Variants in BUD31 observed in about 807,000 individuals in gnomAD.
BUD31 encodes the protein protein BUD31 homolog.
BUD31 carries 9 observed loss-of-function variants against 17.9 expected under a neutral mutation model. The ratio of observed to expected loss-of-function variants is 0.50; its 90% CI spans 0.30 to 0.88. The LOEUF (loss-of-function observed/expected upper bound fraction) is 0.88. Ranked by LOEUF, BUD31 falls within the 40% of genes least tolerant of loss-of-function variation. BUD31 has a pLI of 0.06. For synonymous variants in BUD31, 70 were observed against 64.7 expected (o/e 1.08, Z -0.39); for missense variants, 148 against 184.5 (o/e 0.80, Z 1.15).
Position 99,417,561 on chromosome 7 carries a change from G to GC in BUD31, c.351dup (p.Ile118HisfsTer?). On this transcript the variant is annotated frameshift_variant, in exon 5 of 6. Coordinates refer to ENST00000222969, the MANE Select transcript of BUD31 (RefSeq NM_003910.4). LOFTEE classifies it high-confidence loss of function. ...CGGGACACCAACTTCGGGACGAACT[G>GC]CATCTGCCGCGTGCCCAAAAGCAAG... is the stretch of plus-strand genomic sequence containing the variant. 6.2e-7 allele frequency: 1 copy of GC among 1,612,662 alleles called. No homozygotes were observed.
intron 3 of BUD31, chr7:99,411,898 G>A (rs1795204029): frequency 3.0e-6 from 1 of 334,162 alleles, no homozygotes; most frequent in African/African-American, 2.2e-5. Context: ...GTAGAGATGG[G>A]TTTCTCCATG....
Position 99,411,288 on chromosome 7 carries a change from C to T in BUD31, c.94+102C>T. 6 of 804,538 alleles carry T rather than the reference C, an allele frequency of 7.5e-6. No individual in the cohort carries two copies. The South Asian group carries it at 9.9e-5, about 13-fold the overall frequency. 49.8% of individuals were successfully genotyped at this position (804,538 alleles called of 1,614,324 possible). ...AATGCAAATATAAAAAGAGAGTGGT[C>T]TACTAACACTGACATGTTGTGTTTG... On this transcript the variant is annotated intron_variant, in intron 3 of 5. Transcript: ENST00000222969.
At chr7:99,417,889 AGGGTGACATCAGGGAAGGACAAC>A in intron 5 of BUD31, 1 of 1,347,826 alleles carries the variant, frequency 7.4e-7, no homozygotes, top group South Asian at 1.5e-5. Context: ...AGGTGGTGGC[AGGGTGACATCAGGGAAGGACAAC>A]CAGTGAGTTC....
rs970596103 is a variant in BUD31 at position 99,416,421 on chromosome 7, TTTTG to T, written c.217+173_217+176del. 129 of 890,472 alleles carry T rather than the reference TTTTG, an allele frequency of 1.4e-4. 1 individual carries two copies. The South Asian group carries it at 1.5e-3, about 10-fold the overall frequency. The allele number at this position is 890,472 out of a possible 1,614,324, so 55.2% of individuals were successfully genotyped here. A position where few individuals can be genotyped will look rare whatever the true frequency, so the allele number is the denominator to read the frequency against. On this transcript the variant is annotated intron_variant, in intron 4 of 5. Coordinates refer to ENST00000222969, the MANE Select transcript of BUD31 (RefSeq NM_003910.4). ...GCTGAGTTTTGTGTGTGTGTTTGTT[TTTTG>T]TTTGTTTGTTTTGAGATGGAGTCTC...
chr7:99,410,529 C>G (rs1003888250), intron 2 of BUD31, among the ~76,000 whole-genome samples: 3 of 151,954 alleles, frequency 2.0e-5, no homozygotes, highest in Non-Finnish European at 2.9e-5. Context: ...CATGAGCCAC[C>G]GTGCCTGACC....
intron 5 of BUD31, chr7:99,417,983 C>G (rs1001362260): frequency 1.7e-6 from 2 of 1,175,036 alleles, no homozygotes; most frequent in Non-Finnish European, 2.1e-6. Context: ...TTCCCGCCCC[C>G]CCAAGACGGA....
intron 3 of BUD31, among the ~76,000 whole-genome samples, chr7:99,415,922 C>T (rs752890642): frequency 6.6e-6 from 1 of 151,926 alleles, no homozygotes; most frequent in Non-Finnish European, 1.5e-5. Flanking sequence ...TATCTAAGAT[C>T]TATATCTAGT....
chr7:99,411,501 C>T (rs1795182318), intron 3 of BUD31, among the ~76,000 whole-genome samples: 1 of 152,014 alleles, frequency 6.6e-6, no homozygotes, highest in African/African-American at 2.4e-5. Context: ...TAAAATCATA[C>T]AAAATATATT....
intron 5 of BUD31, 188 bp downstream of exon 5, chr7:99,417,783 T>C: frequency 6.5e-7 from 1 of 1,529,438 alleles, no homozygotes; most frequent in Non-Finnish European, 8.7e-7. Context: ...TGGCTGTGTG[T>C]TTGTTAGGTC....
chr7:99,412,463 T>A (rs1349749067), intron 3 of BUD31, among the ~76,000 whole-genome samples: 1 of 152,084 alleles, frequency 6.6e-6, no homozygotes, highest in African/African-American at 2.4e-5. Context: ...AGGTCTCACT[T>A]TGTTGCCCAG....
chr7:99,409,207 TG>T lies in BUD31; in HGVS notation c.-199del, dbSNP rs1562827772. Reference sequence around the variant, plus strand: ...CGTTCTTCTGAGGGGACGGTAGATTTGGGGGTTTTCCTCTAGGATTCTCGCG... The same window carrying T: ...CGTTCTTCTGAGGGGACGGTAGATTTGGGGTTTTCCTCTAGGATTCTCGCG... On this transcript the variant is annotated 5_prime_UTR_variant, in exon 1 of 6. Coordinates refer to ENST00000222969, the MANE Select transcript of BUD31 (RefSeq NM_003910.4). The T allele has an allele frequency of 6.6e-6, 1 of 152,310 alleles. No homozygotes were observed. The highest frequency in any genetic ancestry group is 1.5e-5 in the Non-Finnish European group (1 of 68,144). The allele number at this position is 152,310 out of a possible 1,614,324, so 9.4% of individuals were successfully genotyped here.
At chr7:99,415,943 T>C (rs1795421047) in intron 3 of BUD31, among the ~76,000 whole-genome samples, 195 bp from the exon 4 acceptor site, 2 of 132,268 alleles carry the variant, frequency 1.5e-5, no homozygotes, top group African/African-American at 3.0e-5. Context: ...ATAACTATTC[T>C]TATTTTATTT....
At position 99,419,585 on chromosome 7, in the gene BUD31, A is replaced by T. The variant is rs1795705791; in HGVS notation, c.*144A>T. ...AAGGCTTCGCTGTCTATCAGCTGTG[A>T]TTTGTAAAAATAAAATCTTTAAATC... On this transcript the variant is annotated 3_prime_UTR_variant, in exon 6 of 6. Transcript: ENST00000222969. 2 of 929,708 alleles carry T rather than the reference A, an allele frequency of 2.2e-6. No individual in the cohort carries two copies. The highest frequency in any genetic ancestry group is 3.3e-6 in the Non-Finnish European group (2 of 615,182). 57.6% of individuals were successfully genotyped at this position (929,708 alleles called of 1,614,324 possible). A position where few individuals can be genotyped will look rare whatever the true frequency, so the allele number is the denominator to read the frequency against.
At chr7:99,411,746 C>G in intron 3 of BUD31, 1 of 455,266 alleles carries the variant, frequency 2.2e-6, no homozygotes, top group Non-Finnish European at 4.4e-6. Flanking sequence ...GCTCTGTCTT[C>G]CAGGCTGCAG....
rs544747753 is a variant in BUD31 at position 99,411,890 on chromosome 7, A to G, written c.94+704A>G. The G allele has an allele frequency of 3.2e-5, 11 of 342,452 alleles. No homozygotes were observed. In the East Asian group the frequency reaches 9.8e-4, roughly 30 times the overall value. The allele number at this position is 342,452 out of a possible 1,614,324, so 21.2% of individuals were successfully genotyped here. A position where few individuals can be genotyped will look rare whatever the true frequency, so the allele number is the denominator to read the frequency against. On this transcript the variant is annotated intron_variant, in intron 3 of 5. Transcript: ENST00000222969. The stretch of plus-strand genomic sequence containing the variant: ...CCCGGCTAATTTTTGTATTTTTAGT[A>G]GAGATGGGTTTCTCCATGTTGGCCA...
At chr7:99,416,054 T>C in intron 3 of BUD31, 84 bp from the exon 4 acceptor site, 2 of 1,566,274 alleles carry the variant, frequency 1.3e-6, no homozygotes, top group South Asian at 2.3e-5. Flanking sequence ...GTGGTATTTA[T>C]TCATTATCAG....
chr7:99,413,603 G>GTT (rs1008067461), intron 3 of BUD31, among the ~76,000 whole-genome samples: 6 of 150,816 alleles, frequency 4.0e-5, no homozygotes, highest in African/African-American at 1.5e-4. Context: ...GTTTTGTTTT[G>GTT]TTTTTTTTTG....
Position 99,417,493 on chromosome 7 carries a change from G to C in BUD31, c.282G>C (p.Lys94Asn). The change falls in exon 5 of 6, where the codon AAG becomes AAC. Residue 94 changes from lysine to asparagine, a missense_variant. By Grantham distance (94) the Lys-to-Asn change is moderately conservative. Transcript: ENST00000222969. ...ADKNLIAKWKKQGYENLCCLR... is the reference protein window; with the variant it reads ...ADKNLIAKWKNQGYENLCCLR... ...AAAACCTGATTGCAAAATGGAAAAA[G>C]CAAGGATATGAGAACTTGTGCTGCC... 6.2e-7 allele frequency: 1 copy of C among 1,611,610 alleles called. No individual in the cohort carries two copies. Among genetic ancestry groups the C allele is most frequent in the Non-Finnish European group, 8.5e-7 (1 of 1,178,562 alleles).
intron 4 of BUD31, 128 bp downstream of exon 4, chr7:99,416,388 C>A: frequency 2.4e-6 from 3 of 1,245,454 alleles, no homozygotes; most frequent in South Asian, 3.0e-5. Context: ...TAGGGGGAGC[C>A]AACGTTGGCT....
Sources: allele counts gnomAD v4.1 joint callset (sites outside exome capture counted in the v4.1 genomes callset), GRCh38; gene constraint gnomAD v4.1.1; transcripts MANE v1.5; gene names NCBI Gene and HGNC (gene_info 2026-07-23, HGNC 2026-07-21).